Variants in KALRN observed in about 807,000 individuals in gnomAD.
KALRN encodes the protein kalirin RhoGEF kinase.
Under a neutral mutation model 353.7 loss-of-function variants are expected in KALRN, and 70 were observed. The observed-to-expected ratio is 0.20, with a 90% CI of 0.16 to 0.24. The LOEUF is 0.24. Among genes scored for constraint, KALRN ranks in the 10% least tolerant of loss-of-function variants. KALRN has a pLI of 1.00. For missense variants in KALRN, 2,791 were observed against 3,756.7 expected (o/e 0.74, Z 6.72); for synonymous variants, 1,391 against 1,434.8 (o/e 0.97, Z 0.69).
At chr3:124,309,400 A>G (rs924940647) in intron 6 of KALRN, among the ~76,000 whole-genome samples, 1 of 152,176 alleles carries the variant, frequency 6.6e-6, no homozygotes, top group Non-Finnish European at 1.5e-5. Flanking sequence ...AATACTATCA[A>G]ACCAAATCCA....
chr3:124,058,245 A>C (rs1012361431), intron 1 of KALRN, among the ~76,000 whole-genome samples: 2 of 152,192 alleles, frequency 1.3e-5, no homozygotes, highest in Admixed American at 1.3e-4. Flanking sequence ...TCAGCATCCA[A>C]ATTCCCCATA....
intron 3 of KALRN, among the ~76,000 whole-genome samples, chr3:124,239,235 C>T (rs2080149514): frequency 6.6e-6 from 1 of 152,200 alleles, no homozygotes; most frequent in Admixed American, 6.5e-5. Flanking sequence ...GAGTAAACAA[C>T]TGTCCAGGCC....
At chr3:124,497,785 T>C (rs569635714) in intron 33 of KALRN, among the ~76,000 whole-genome samples, 2 of 152,348 alleles carry the variant, frequency 1.3e-5, no homozygotes, top group African/African-American at 4.8e-5. Context: ...GTAAGTCAAG[T>C]GCAGTGTTTC....
intron 38 of KALRN, among the ~76,000 whole-genome samples, chr3:124,652,040 G>C (rs950345968): frequency 1.3e-5 from 2 of 152,288 alleles, no homozygotes; most frequent in Non-Finnish European, 2.9e-5. Flanking sequence ...GCAGTAGTGA[G>C]AATTGGGAAG....
rs570337978 is a variant in KALRN, at chr3:124,288,749, A to G, written c.970-10042A>G. On this transcript the variant is annotated intron_variant, in intron 5 of 59. Transcript: ENST00000682506. ...CCAAATAGGCAAGTATTTGTAATTT[A>G]TTATCTAGGCAGGGTGGGCTGAGGG... is the stretch of plus-strand genomic sequence containing the variant. 2.1e-3 allele frequency among the ~76,000 whole-genome samples: 317 copies of G among 152,308 alleles called. 1 individual carries two copies. The highest frequency in any genetic ancestry group is 7.1e-3 in the African/African-American group (296 of 41,572).
chr3:124,592,409 A>T (rs1486906119), intron 34 of KALRN, among the ~76,000 whole-genome samples: 3 of 152,042 alleles, frequency 2.0e-5, no homozygotes, highest in African/African-American at 7.2e-5. Flanking sequence ...GAACTGGAGA[A>T]TAGCAACCCG....
At chr3:124,231,752 A>G (rs6768194) in intron 2 of KALRN, among the ~76,000 whole-genome samples, 17,913 of 152,034 alleles carry the variant, frequency 0.12, 1,797 homozygotes, top group East Asian at 0.55. Context: ...CTAAAGAATA[A>G]CCTCATTCCC....
intron 13 of KALRN, among the ~76,000 whole-genome samples, chr3:124,404,941 T>C (rs1320900604): frequency 1.3e-5 from 2 of 152,312 alleles, no homozygotes; most frequent in African/African-American, 4.8e-5. Context: ...GTTTGTAACA[T>C]GCCAAATCCA....
chr3:124,527,281 A>AT (rs2067669554), intron 33 of KALRN, among the ~76,000 whole-genome samples: 1 of 152,122 alleles, frequency 6.6e-6, no homozygotes, highest in African/African-American at 2.4e-5. Context: ...CATACAGAAG[A>AT]TTTTATAAAT....
chr3:124,247,593 C>G (rs777336520), intron 3 of KALRN, among the ~76,000 whole-genome samples: 1 of 152,190 alleles, frequency 6.6e-6, no homozygotes, highest in Non-Finnish European at 1.5e-5. Flanking sequence ...GTTTTGCCTT[C>G]ATCTTTGGTA....
At chr3:124,088,405 G>A (rs980344163) in intron 1 of KALRN, among the ~76,000 whole-genome samples, 11 of 152,240 alleles carry the variant, frequency 7.2e-5, no homozygotes, top group Admixed American at 5.2e-4. Flanking sequence ...AGGAATTAGA[G>A]GAATCATAAG....
chr3:124,306,170 G>T (rs989754841), intron 6 of KALRN, among the ~76,000 whole-genome samples: 1 of 152,066 alleles, frequency 6.6e-6, no homozygotes, highest in African/African-American at 2.4e-5. Context: ...AACCTCCTAG[G>T]CTCAAGCGGT....
rs141513436 is a variant in KALRN at position 124,471,221 on chromosome 3, G to A, written c.4032-3442G>A. Among the ~76,000 whole-genome samples, 332 of 150,980 alleles carry A rather than the reference G, an allele frequency of 2.2e-3. 1 individual carries two copies. Among genetic ancestry groups the A allele is most frequent in the African/African-American group, 7.5e-3 (310 of 41,184 alleles). ...CTGGGTTGGGTTCTTTTTACCTGTG[G>A]ATTTATTAAATCCTTACAAGCACCC... On this transcript the variant is annotated intron_variant, in intron 25 of 59. Coordinates refer to ENST00000682506, the MANE Select transcript of KALRN (RefSeq NM_001388419.1).
At chr3:124,259,162 G>A (rs1346954082) in intron 3 of KALRN, among the ~76,000 whole-genome samples, 1 of 152,194 alleles carries the variant, frequency 6.6e-6, no homozygotes, top group African/African-American at 2.4e-5. Context: ...GGGAGACTGG[G>A]GAGGCGGTGA....
chr3:124,519,861 A>G (rs2067015539), intron 33 of KALRN: 1 of 985,280 alleles, frequency 1.0e-6, no homozygotes, highest in African/African-American at 1.7e-5. Context: ...GGCTGTTGAT[A>G]TACAGTGATT....
At chr3:124,286,847 T>A (rs1247048453) in intron 5 of KALRN, among the ~76,000 whole-genome samples, 1 of 152,218 alleles carries the variant, frequency 6.6e-6, no homozygotes, top group Non-Finnish European at 1.5e-5. Flanking sequence ...TTGTTTTGAT[T>A]ATCAGTAATT....
intron 1 of KALRN, among the ~76,000 whole-genome samples, chr3:124,132,722 T>C (rs1156573264): frequency 6.6e-6 from 1 of 152,158 alleles, no homozygotes; most frequent in Non-Finnish European, 1.5e-5. Context: ...TTTTTCTGGC[T>C]CCTTCATGGC....
At chr3:124,182,465 A>G (rs936494048) in intron 1 of KALRN, among the ~76,000 whole-genome samples, 1 of 152,200 alleles carries the variant, frequency 6.6e-6, no homozygotes, top group African/African-American at 2.4e-5. Context: ...GGTCTTTGTT[A>G]TGTGGGCCTC....
intron 47 of KALRN, among the ~76,000 whole-genome samples, chr3:124,671,207 TCAGTC>T (rs1429327606): frequency 6.6e-6 from 1 of 152,240 alleles, no homozygotes; most frequent in African/African-American, 2.4e-5. Context: ...CCTTCAGAAT[TCAGTC>T]CAGACTCATT....
Sources: gnomAD v4.1 joint callset for allele counts (sites outside exome capture counted in the v4.1 genomes callset) on GRCh38, gnomAD v4.1.1 for gene constraint, MANE v1.5 for transcripts, NCBI Gene and HGNC (gene_info 2026-07-23, HGNC 2026-07-21) for gene names.